Variants in PPIP5K1 observed in about 807,000 individuals in gnomAD.
PPIP5K1 encodes diphosphoinositol pentakisphosphate kinase 1.
PPIP5K1 carries 6 observed loss-of-function variants against 27.7 expected under a neutral mutation model. That is an observed-to-expected ratio of 0.22 (90% confidence interval 0.12 to 0.43). The LOEUF (loss-of-function observed/expected upper bound fraction) is 0.43. Ranked by LOEUF, PPIP5K1 falls within the 20% of genes least tolerant of loss-of-function variation. The pLI is 1.00. For synonymous variants in PPIP5K1, 145 were observed against 242.6 expected (o/e 0.60, Z 3.74); for missense variants, 394 against 635.4 (o/e 0.62, Z 4.08).
At chr15:43,555,396 C>T (rs1485943659) in intron 30 of PPIP5K1, among the ~76,000 whole-genome samples, 1 of 151,950 alleles carries the variant, frequency 6.6e-6, no homozygotes, top group African/African-American at 2.4e-5. Flanking sequence ...CCACCTCAGC[C>T]TCCCAAATAG....
At chr15:43,548,190 C>T (rs573385644) in intron 30 of PPIP5K1, among the ~76,000 whole-genome samples, 3 of 151,900 alleles carry the variant, frequency 2.0e-5, no homozygotes, top group Non-Finnish European at 2.9e-5. Flanking sequence ...CCTCCGCCTC[C>T]CGGGTTCAAG....
intron 30 of PPIP5K1, among the ~76,000 whole-genome samples, chr15:43,554,795 ATAT>A (rs1178404435): frequency 2.0e-5 from 3 of 151,994 alleles, no homozygotes; most frequent in Non-Finnish European, 2.9e-5. Flanking sequence ...ATTATAATTG[ATAT>A]TATAATTATA....
chr15:43,558,231 ATT>A (rs10710217), intron 30 of PPIP5K1, among the ~76,000 whole-genome samples: 76 of 133,752 alleles, frequency 5.7e-4, no homozygotes, highest in African/African-American at 1.3e-3. Flanking sequence ...TAATGTTTGT[ATT>A]TTTTTTTTTT....
chr15:43,546,725 T>G (rs1207756185), intron 30 of PPIP5K1, among the ~76,000 whole-genome samples: 2 of 149,964 alleles, frequency 1.3e-5, no homozygotes, highest in South Asian at 2.1e-4. Context: ...GGCATGAACT[T>G]GGCTTATTAC....
intron 30 of PPIP5K1, among the ~76,000 whole-genome samples, chr15:43,555,114 G>A (rs1054062038): frequency 4.6e-5 from 7 of 152,086 alleles, no homozygotes; most frequent in Non-Finnish European, 1.0e-4. Flanking sequence ...TGGGATTACA[G>A]GCGTGAGCCA....
chr15:43,534,701 G>T lies in PPIP5K1; in HGVS notation c.4446C>A (p.Ala1482=). 1 of 1,525,468 alleles carries T rather than the reference G, an allele frequency of 6.6e-7. No homozygotes were observed. Among genetic ancestry groups the T allele is most frequent in the Non-Finnish European group, 8.8e-7 (1 of 1,140,494 alleles). The allele number at this position is 1,525,468 out of a possible 1,614,324, so 94.5% of individuals were successfully genotyped here. A position where few individuals can be genotyped will look rare whatever the true frequency, so the allele number is the denominator to read the frequency against. The change falls in exon 32 of 32, where the codon GCC becomes GCA. Residue 1482 remains alanine, a synonymous_variant. Transcript: ENST00000420765. ...AATTTATCTCCTCAGGGACCTCCTG[G>T]GCCTGCAGATCAATCTCCTCAGGGA... is the stretch of plus-strand genomic sequence containing the variant. ...QEFPEEIDLQ[A]QEVPEEIN is the part of the protein sequence containing the mutation.
chr15:43,558,718 A>G, intron 30 of PPIP5K1, 77 bp downstream of exon 30: 1 of 1,573,426 alleles, frequency 6.4e-7, no homozygotes, highest in East Asian at 2.2e-5. Context: ...TAGCTTTCTA[A>G]TTTACTACTT....
At chr15:43,539,343 T>A in intron 31 of PPIP5K1, 127 bp downstream of exon 31, 1 of 716,780 alleles carries the variant, frequency 1.4e-6, no homozygotes, top group Non-Finnish European at 2.5e-6. Flanking sequence ...ATGAGACTGC[T>A]TCCCAGAATG....
chr15:43,548,155 C>G (rs527294694), intron 30 of PPIP5K1, among the ~76,000 whole-genome samples: 1 of 151,368 alleles, frequency 6.6e-6, no homozygotes, highest in African/African-American at 2.4e-5. Context: ...CTGGAGTGCA[C>G]TGGCGCGATC....
chr15:43,535,732 A>C (rs2140278561), intron 31 of PPIP5K1, among the ~76,000 whole-genome samples: 1 of 152,298 alleles, frequency 6.6e-6, no homozygotes, highest in South Asian at 2.1e-4. Flanking sequence ...GACCCACTTC[A>C]TCTGGTTCTT....
At chr15:43,547,560 C>G (rs1595764461) in intron 30 of PPIP5K1, among the ~76,000 whole-genome samples, 1 of 152,152 alleles carries the variant, frequency 6.6e-6, no homozygotes, top group Non-Finnish European at 1.5e-5. Flanking sequence ...TGAATGAGTT[C>G]TTTTGCAATG....
intron 30 of PPIP5K1, among the ~76,000 whole-genome samples, chr15:43,550,538 T>C (rs952227297): frequency 1.3e-5 from 2 of 152,210 alleles, no homozygotes; most frequent in African/African-American, 4.8e-5. Flanking sequence ...GACTTCTTTG[T>C]GATTTTATAT....
chr15:43,567,387 G>T (rs1274251730), intron 26 of PPIP5K1, among the ~76,000 whole-genome samples: 2 of 9,164 alleles, frequency 2.2e-4, no homozygotes, highest in Non-Finnish European at 3.5e-4. Context: ...CAAAATGCTG[G>T]GATTATAGGC....
intron 1 of PPIP5K1, among the ~76,000 whole-genome samples, chr15:43,586,737 A>C (rs933390980): frequency 1.0e-5 from 1 of 100,126 alleles, no homozygotes. Flanking sequence ...AATAATAATA[A>C]TAATAATAAT....
intron 30 of PPIP5K1, among the ~76,000 whole-genome samples, chr15:43,553,152 G>A: frequency 6.6e-6 from 1 of 152,152 alleles, no homozygotes; most frequent in African/African-American, 2.4e-5. Flanking sequence ...AAGGTCTTTT[G>A]TATGACTTCA....
intron 30 of PPIP5K1, among the ~76,000 whole-genome samples, chr15:43,556,513 C>T (rs540889298): frequency 6.7e-6 from 1 of 148,352 alleles, no homozygotes; most frequent in Non-Finnish European, 1.5e-5. Context: ...GGCACTCCAG[C>T]CTGGGTGACA....
In PPIP5K1 at chr15:43,535,121, G is replaced by A; in HGVS notation, c.4026C>T (p.Ile1342=). 1 of 1,613,492 alleles carries A rather than the reference G, an allele frequency of 6.2e-7. No homozygotes were observed. The highest frequency in any genetic ancestry group is 8.5e-7 in the Non-Finnish European group (1 of 1,179,822). ...CATGGTTCTCCTGGCATTGCTGGCT[G>A]ATGTCAGGGACCTTCTGACATGGCT... ...LSQPCQKVPD[I]SQQCQENHDN... Residue 1342 remains isoleucine, a synonymous_variant, in exon 32 of 32, where the codon ATC becomes ATT. Transcript: ENST00000420765.
intron 31 of PPIP5K1, among the ~76,000 whole-genome samples, chr15:43,538,758 C>T (rs144029248): frequency 6.1e-4 from 92 of 151,546 alleles, no homozygotes; most frequent in African/African-American, 2.1e-3. Context: ...GTGATCTGCC[C>T]GCCTCGGCCT....
At chr15:43,572,433 C>CA (rs1192497589) in intron 23 of PPIP5K1, among the ~76,000 whole-genome samples, 1,302 of 37,066 alleles carry the variant, frequency 0.035, 15 homozygotes, top group African/African-American at 0.094. Context: ...GACCTTGTCT[C>CA]AAAAAAAAAA....
Sources: gnomAD v4.1 joint callset for allele counts (sites outside exome capture counted in the v4.1 genomes callset) on GRCh38, gnomAD v4.1.1 for gene constraint, MANE v1.5 for transcripts, NCBI Gene and HGNC (gene_info 2026-07-23, HGNC 2026-07-21) for gene names.